The following IL1RAPL1 variants were observed in gnomAD, a reference collection of about 807,000 sequenced individuals.
IL1RAPL1 encodes interleukin 1 receptor accessory protein like 1.
In IL1RAPL1, 3 loss-of-function variants were observed where a neutral mutation model predicts 48.4. That is an observed-to-expected ratio of 0.06 (90% CI 0.03 to 0.16). The LOEUF is 0.16. IL1RAPL1 is among the 10% of genes least tolerant of loss of function. The probability of loss-of-function intolerance (pLI) is 1.00; values close to 1 mark genes in which losing one functional copy is unlikely to be tolerated. For missense variants in IL1RAPL1, 349 were observed against 530.6 expected (o/e 0.66, Z 3.36); for synonymous variants, 185 against 187.7 (o/e 0.99, Z 0.12).
intron 9 of IL1RAPL1, among the ~76,000 whole-genome samples, chrX:29,943,209 C>A (rs1397052897): frequency 8.9e-6 from 1 of 111,844 alleles, no homozygotes; most frequent in Non-Finnish European, 1.9e-5. Context: ...CTATTTGTTT[C>A]TAACTTTCTT....
At chrX:29,879,852 G>T (rs1044776842) in intron 6 of IL1RAPL1, among the ~76,000 whole-genome samples, 2 of 110,692 alleles carry the variant, frequency 1.8e-5, no homozygotes, top group Non-Finnish European at 3.8e-5. Flanking sequence ...CTTCTGCCAA[G>T]CTTGAAAACA....
chrX:29,259,434 C>G (rs1367170746), intron 2 of IL1RAPL1, among the ~76,000 whole-genome samples: 1 of 110,482 alleles, frequency 9.1e-6, no homozygotes, highest in African/African-American at 3.3e-5. Context: ...ATTTAAGCAA[C>G]TGTTATTTAT....
Position 29,791,139 on chromosome X carries a change from T to G in IL1RAPL1, c.778+122635T>G, listed in dbSNP as rs1045707073. On this transcript the variant is annotated intron_variant, in intron 6 of 10. Transcript: ENST00000378993. Reference sequence around the variant, plus strand: ...GATGTAGCCCCAAGTCAATCTCTCTTAAATCTCTCTATTCTATTTATTTTA... The same window carrying G: ...GATGTAGCCCCAAGTCAATCTCTCTGAAATCTCTCTATTCTATTTATTTTA... Among the ~76,000 whole-genome samples, 12 of 110,636 alleles carry G rather than the reference T, an allele frequency of 1.1e-4. No individual in the cohort carries two copies. In the Admixed American group the frequency reaches 1.2e-3, roughly 11 times the overall value.
chrX:29,761,756 T>C (rs916303588), intron 6 of IL1RAPL1, among the ~76,000 whole-genome samples: 6 of 109,783 alleles, frequency 5.5e-5, no homozygotes, highest in Admixed American at 9.8e-5. Context: ...ATATATCACT[T>C]GATGCACATC....
At chrX:29,321,256 G>A (rs1932801861) in intron 3 of IL1RAPL1, among the ~76,000 whole-genome samples, 1 of 111,789 alleles carries the variant, frequency 8.9e-6, no homozygotes, top group African/African-American at 3.3e-5. Context: ...GGTAGAGAGA[G>A]AATTTTGCCC....
At chrX:29,854,195 C>T (rs947712558) in intron 6 of IL1RAPL1, among the ~76,000 whole-genome samples, 2 of 111,915 alleles carry the variant, frequency 1.8e-5, no homozygotes, top group African/African-American at 6.5e-5. Context: ...ACCGTTAAGG[C>T]TCTTTTTACT....
chrX:29,156,682 A>G (rs1279794481), intron 2 of IL1RAPL1, among the ~76,000 whole-genome samples: 1 of 111,734 alleles, frequency 8.9e-6, no homozygotes, highest in Non-Finnish European at 1.9e-5. Flanking sequence ...GCAAGTCATC[A>G]CACTCAGGGA....
chrX:29,107,726 T>C (rs1928476486), intron 2 of IL1RAPL1, among the ~76,000 whole-genome samples: 1 of 112,409 alleles, frequency 8.9e-6, no homozygotes, highest in Non-Finnish European at 1.9e-5. Context: ...GAGACTTTTT[T>C]TGTCTATTTT....
chrX:29,238,049 A>T (rs1008856858), intron 2 of IL1RAPL1, among the ~76,000 whole-genome samples: 1 of 111,437 alleles, frequency 9.0e-6, no homozygotes, highest in East Asian at 2.8e-4. Flanking sequence ...CGCCTTCCCT[A>T]TTGTTGAGAA....
chrX:28,663,176 A>G (rs890851278), intron 1 of IL1RAPL1, among the ~76,000 whole-genome samples: 1 of 112,252 alleles, frequency 8.9e-6, no homozygotes, highest in Non-Finnish European at 1.9e-5. Context: ...CGCCTAGACA[A>G]GTTCATAGTC....
intron 2 of IL1RAPL1, among the ~76,000 whole-genome samples, chrX:29,155,007 CTTT>C (rs1276795423): frequency 9.9e-6 from 1 of 101,365 alleles, no homozygotes. Context: ...TTCTTTCTGT[CTTT>C]TTTTTTTTTT....
intron 5 of IL1RAPL1, among the ~76,000 whole-genome samples, chrX:29,617,134 A>T (rs1924313158): frequency 9.0e-6 from 1 of 111,369 alleles, no homozygotes; most frequent in African/African-American, 3.3e-5. Flanking sequence ...AATGATGCCA[A>T]GATCGATTAG....
chrX:29,108,411 GT>G (rs751294776), intron 2 of IL1RAPL1, among the ~76,000 whole-genome samples: 1 of 110,321 alleles, frequency 9.1e-6, no homozygotes, highest in South Asian at 3.8e-4. Context: ...TTGTTTGTTT[GT>G]TTTTTTGAGA....
chrX:29,640,882 C>T (rs1049795805), intron 5 of IL1RAPL1, among the ~76,000 whole-genome samples: 2 of 112,021 alleles, frequency 1.8e-5, no homozygotes, highest in South Asian at 3.7e-4. Flanking sequence ...AAATCACCAG[C>T]GGCCAGATGC....
intron 6 of IL1RAPL1, among the ~76,000 whole-genome samples, chrX:29,828,345 G>T (rs776456164): frequency 1.8e-5 from 2 of 112,094 alleles, no homozygotes; most frequent in East Asian, 5.6e-4. Flanking sequence ...CTGACCTTTA[G>T]AGACTAGATG....
intron 3 of IL1RAPL1, among the ~76,000 whole-genome samples, chrX:29,379,529 C>T (rs1034831410): frequency 8.9e-6 from 1 of 111,843 alleles, no homozygotes; most frequent in Non-Finnish European, 1.9e-5. Flanking sequence ...TGGGTAGATT[C>T]CCCTGCCAGC....
At chrX:28,668,561 A>G (rs773285825) in intron 1 of IL1RAPL1, among the ~76,000 whole-genome samples, 192 of 113,280 alleles carry the variant, frequency 1.7e-3, no homozygotes, top group African/African-American at 6.0e-3. Flanking sequence ...CCCGGCCAAG[A>G]ATTGTTTTCT....
At chrX:29,879,570 A>G (rs1463291144) in intron 6 of IL1RAPL1, among the ~76,000 whole-genome samples, 2 of 110,002 alleles carry the variant, frequency 1.8e-5, no homozygotes, top group Non-Finnish European at 3.8e-5. Context: ...GCATAGAGAA[A>G]AAGCTGGAAG....
intron 2 of IL1RAPL1, among the ~76,000 whole-genome samples, chrX:29,097,887 A>G (rs1004865147): frequency 2.7e-5 from 3 of 112,233 alleles, no homozygotes; most frequent in Non-Finnish European, 5.6e-5. Context: ...GACTAGATTT[A>G]AATGACCTTG....
Sources: gnomAD v4.1 joint callset for allele counts (sites outside exome capture counted in the v4.1 genomes callset) on GRCh38, gnomAD v4.1.1 for gene constraint, MANE v1.5 for transcripts, NCBI Gene and HGNC (gene_info 2026-07-23, HGNC 2026-07-21) for gene names.